HLCS: variants seen among roughly 807,000 people sequenced by gnomAD.
HLCS encodes the protein holocarboxylase synthetase.
A neutral mutation model predicts 75.0 loss-of-function variants in HLCS; 53 were observed. That is an observed-to-expected ratio of 0.71 (90% CI 0.57 to 0.89). HLCS has a LOEUF of 0.89. HLCS is among the 40% of genes least tolerant of loss of function. HLCS has a pLI of 0.00. For missense variants in HLCS, 966 were observed against 1,074.0 expected, an observed-to-expected ratio of 0.90 and a Z score of 1.41; for synonymous variants, 431 against 428.6, an observed-to-expected ratio of 1.01 and a Z score of -0.07.
At chr21:36,815,095 C>T (rs1171200411) in intron 6 of HLCS, among the ~76,000 whole-genome samples, 2 of 150,372 alleles carry the variant, frequency 1.3e-5, no homozygotes, top group African/African-American at 4.9e-5. Flanking sequence ...GGTGCAATCT[C>T]GGCTCTCTGC....
chr21:36,758,068 T>C (rs1176034883), intron 9 of HLCS, among the ~76,000 whole-genome samples: 2 of 152,196 alleles, frequency 1.3e-5, no homozygotes, highest in African/African-American at 2.4e-5. Flanking sequence ...GTTCTCACCA[T>C]AGGAAAATGT....
intron 6 of HLCS, among the ~76,000 whole-genome samples, chr21:36,796,402 A>T (rs916851482): frequency 2.0e-5 from 3 of 152,224 alleles, no homozygotes; most frequent in African/African-American, 7.2e-5. Flanking sequence ...CAGTAGCCCT[A>T]GGTCAGTCCA....
intron 6 of HLCS, among the ~76,000 whole-genome samples, chr21:36,777,645 G>A (rs537056562): frequency 6.6e-6 from 1 of 152,280 alleles, no homozygotes; most frequent in South Asian, 2.1e-4. Flanking sequence ...GAAGAGCAGG[G>A]GCAGTTATTT....
chr21:36,863,453 CAGAA>C (rs2063450486), intron 6 of HLCS, among the ~76,000 whole-genome samples: 1 of 152,044 alleles, frequency 6.6e-6, no homozygotes, highest in Non-Finnish European at 1.5e-5. Flanking sequence ...GAAACTAAAA[CAGAA>C]AGCATGAGGG....
At chr21:36,967,933 T>G (rs2068674566), upstream of HLCS, among the ~76,000 whole-genome samples, 1 of 152,126 alleles carries the variant, frequency 6.6e-6, no homozygotes, top group African/African-American at 2.4e-5. Context: ...TTGGCCAGGG[T>G]GGTCTCGAAC....
At chr21:36,831,443 G>A (rs2062206647) in intron 6 of HLCS, among the ~76,000 whole-genome samples, 1 of 152,178 alleles carries the variant, frequency 6.6e-6, no homozygotes, top group Non-Finnish European at 1.5e-5. Flanking sequence ...ACTTTGGGAG[G>A]GCGAGGTGGG....
intron 6 of HLCS, among the ~76,000 whole-genome samples, chr21:36,783,000 AAGAAAACCTCCAGAAACAGATG>A (rs1569002122): frequency 6.6e-6 from 1 of 152,026 alleles, no homozygotes; most frequent in Non-Finnish European, 1.5e-5. Context: ...AACCAAAACA[AAGAAAACCTCCAGAAACAGATG>A]AGAACATATT....
At chr21:36,983,350 A>G (rs2069161606) in intron 1 of HLCS, among the ~76,000 whole-genome samples, 1 of 151,730 alleles carries the variant, frequency 6.6e-6, no homozygotes, top group Non-Finnish European at 1.5e-5. Context: ...AGCTAGGACT[A>G]CAGGTGCCCA....
chr21:36,898,085 C>T (rs2065084186), intron 5 of HLCS, among the ~76,000 whole-genome samples: 1 of 152,110 alleles, frequency 6.6e-6, no homozygotes, highest in African/African-American at 2.4e-5. Flanking sequence ...ATTGATCAAC[C>T]TTTAAAACTC....
rs573086866 is a variant in HLCS at position 36,911,942 on chromosome 21, G to A, written c.1621-14811C>T. 7.9e-5 allele frequency among the ~76,000 whole-genome samples: 12 copies of A among 151,790 alleles called. No homozygotes were observed. The South Asian group carries it at 2.5e-3, about 32-fold the overall frequency. On this transcript the variant is annotated intron_variant, in intron 5 of 10. Transcript: ENST00000674895. Reference sequence around the variant, plus strand: ...AAAAATTAGCCAGGCGTGGTGGTGAGCACCTGTAATCTCAGCTACTTGGGA... The same window carrying A: ...AAAAATTAGCCAGGCGTGGTGGTGAACACCTGTAATCTCAGCTACTTGGGA...
chr21:36,763,016 T>A (rs746157416), intron 8 of HLCS, among the ~76,000 whole-genome samples: 10 of 152,250 alleles, frequency 6.6e-5, no homozygotes, highest in Non-Finnish European at 1.0e-4. Flanking sequence ...ATTTCTCCCA[T>A]GACAGGACTT....
chr21:36,962,535 C>G (rs1490044009), intron 1 of HLCS, among the ~76,000 whole-genome samples: 1 of 152,096 alleles, frequency 6.6e-6, no homozygotes, highest in African/African-American at 2.4e-5. Flanking sequence ...CGCCTGTAAT[C>G]CTAGCACTTT....
intron 2 of HLCS, among the ~76,000 whole-genome samples, chr21:36,956,336 T>G (rs910086430): frequency 2.0e-5 from 3 of 152,138 alleles, no homozygotes; most frequent in Non-Finnish European, 4.4e-5. Context: ...ATGAGATCCA[T>G]GCATAAACCA....
At chr21:36,965,534 C>T in intron 1 of HLCS, among the ~76,000 whole-genome samples, 1 of 152,056 alleles carries the variant, frequency 6.6e-6, no homozygotes, top group Non-Finnish European at 1.5e-5. Flanking sequence ...TAACCACCAT[C>T]CTAAGCACTG....
intron 6 of HLCS, among the ~76,000 whole-genome samples, chr21:36,782,594 GA>G (rs2060567342): frequency 6.6e-6 from 1 of 152,148 alleles, no homozygotes; most frequent in Non-Finnish European, 1.5e-5. Flanking sequence ...GTTCCATGGA[GA>G]GGGTGTAGAG....
At chr21:36,962,319 CGT>C (rs1450246109) in intron 1 of HLCS, 149 bp from the exon 2 acceptor site, 3 of 460,576 alleles carry the variant, frequency 6.5e-6, no homozygotes, top group Admixed American at 3.6e-5. Flanking sequence ...CCGCAGGAAC[CGT>C]GTGTTTCTTG....
At chr21:36,914,643 C>T (rs1038945141) in intron 5 of HLCS, among the ~76,000 whole-genome samples, 11 of 152,192 alleles carry the variant, frequency 7.2e-5, no homozygotes, top group Non-Finnish European at 1.5e-4. Flanking sequence ...AGGCATCACA[C>T]CTCCACCAAG....
chr21:36,811,632 T>C (rs2061513647), intron 6 of HLCS, among the ~76,000 whole-genome samples: 2 of 152,234 alleles, frequency 1.3e-5, no homozygotes, highest in South Asian at 4.1e-4. Flanking sequence ...CAGAACTAAG[T>C]ATGAAAATAA....
intron 6 of HLCS, among the ~76,000 whole-genome samples, chr21:36,778,099 G>C (rs2060415930): frequency 6.6e-6 from 1 of 151,992 alleles, no homozygotes; most frequent in African/African-American, 2.4e-5. Flanking sequence ...CTCCCAAGTA[G>C]CTGGGACTAC....
Sources: gnomAD v4.1 joint callset for allele counts (sites outside exome capture counted in the v4.1 genomes callset) on GRCh38, gnomAD v4.1.1 for gene constraint, MANE v1.5 for transcripts, NCBI Gene and HGNC (gene_info 2026-07-23, HGNC 2026-07-21) for gene names.